NFASC: variants seen among roughly 807,000 people sequenced by gnomAD.
The protein encoded by NFASC is neurofascin homolog.
A neutral mutation model predicts 147.5 loss-of-function variants in NFASC; 43 were observed. The ratio of observed to expected loss-of-function variants is 0.29; its 90% CI spans 0.23 to 0.38. The LOEUF is 0.38. Among genes scored for constraint, NFASC ranks in the 10% least tolerant of loss-of-function variants. The pLI is 1.00. For synonymous variants in NFASC, 622 were observed against 665.5 expected (o/e 0.93, Z 1.01); for missense variants, 1,320 against 1,689.0 (o/e 0.78, Z 3.83).
chr1:204,971,807 A>G (rs1008079304), intron 11 of NFASC, among the ~76,000 whole-genome samples: 11 of 152,192 alleles, frequency 7.2e-5, no homozygotes, highest in Non-Finnish European at 1.5e-4. Context: ...AGCTACAAGC[A>G]GAGATATGGA....
At chr1:204,905,606 T>A (rs947824101) in intron 1 of NFASC, among the ~76,000 whole-genome samples, 3 of 152,220 alleles carry the variant, frequency 2.0e-5, no homozygotes, top group Admixed American at 6.5e-5. Context: ...TACATTATCT[T>A]ATCGTATAGC....
intron 1 of NFASC, among the ~76,000 whole-genome samples, chr1:204,898,938 G>A (rs2083946513): frequency 6.6e-6 from 1 of 152,176 alleles, no homozygotes; most frequent in Non-Finnish European, 1.5e-5. Flanking sequence ...GCTATTTGAG[G>A]ATATGACCTT....
intron 2 of NFASC, among the ~76,000 whole-genome samples, chr1:204,928,239 C>T (rs1007700287): frequency 3.3e-5 from 5 of 152,196 alleles, no homozygotes; most frequent in African/African-American, 9.7e-5. Flanking sequence ...GGTATACCGA[C>T]TACATTTGAG....
At chr1:204,995,153 CA>C (rs1451501717) in intron 24 of NFASC, among the ~76,000 whole-genome samples, 1 of 152,066 alleles carries the variant, frequency 6.6e-6, no homozygotes, top group African/African-American at 2.4e-5. Context: ...CAGTCCTGCC[CA>C]AGTAGACAAA....
intron 8 of NFASC, chr1:204,962,250 G>A (rs1176379702): frequency 2.7e-6 from 3 of 1,117,736 alleles, no homozygotes; most frequent in African/African-American, 3.1e-5. Flanking sequence ...ACTCCTGCTG[G>A]GTGGCAGCTG....
chr1:204,945,677 G>A (rs986459039), intron 3 of NFASC, among the ~76,000 whole-genome samples: 7 of 152,168 alleles, frequency 4.6e-5, no homozygotes, highest in Non-Finnish European at 8.8e-5. Flanking sequence ...GCCCACACAC[G>A]TGTGCATGTG....
chr1:204,921,634 C>T (rs1478368348), intron 2 of NFASC, among the ~76,000 whole-genome samples: 3 of 152,144 alleles, frequency 2.0e-5, no homozygotes, highest in Non-Finnish European at 4.4e-5. Flanking sequence ...GCTGGAATTC[C>T]AGATCCACTT....
intron 21 of NFASC, among the ~76,000 whole-genome samples, chr1:204,984,913 G>A (rs1179663340): frequency 1.3e-5 from 2 of 152,182 alleles, no homozygotes; most frequent in African/African-American, 2.4e-5. Context: ...CACGTTCTGT[G>A]GCCTCAGAGG....
chr1:205,011,467 G>A (rs2096252823), intron 28 of NFASC, among the ~76,000 whole-genome samples: 2 of 152,206 alleles, frequency 1.3e-5, no homozygotes, highest in South Asian at 4.1e-4. Flanking sequence ...TCAGACTTGG[G>A]TGGACTGAGT....
intron 1 of NFASC, among the ~76,000 whole-genome samples, chr1:204,889,983 G>A (rs1409609785): frequency 6.6e-6 from 1 of 152,220 alleles, no homozygotes; most frequent in Non-Finnish European, 1.5e-5. Context: ...GTAAAAATGA[G>A]AGGATGTTTA....
intron 8 of NFASC, among the ~76,000 whole-genome samples, chr1:204,965,014 C>G (rs565076943): frequency 4.7e-4 from 71 of 152,318 alleles, no homozygotes; most frequent in African/African-American, 1.7e-3. Flanking sequence ...TGGACCCACT[C>G]TGAGCCACAG....
chr1:204,976,861 T>G (rs1432323481), intron 16 of NFASC, 66 bp downstream of exon 16: 1 of 1,578,492 alleles, frequency 6.3e-7, no homozygotes, highest in Non-Finnish European at 8.6e-7. Context: ...AGAGAAGCAG[T>G]GGCCCGGGGC....
At position 204,966,279 on chromosome 1, in the gene NFASC, T is replaced by C. The variant is rs558631340; in HGVS notation, c.707-1970T>C. Among the ~76,000 whole-genome samples, 5 of 152,324 alleles carry C rather than the reference T, an allele frequency of 3.3e-5. No individual in the cohort carries two copies. In the South Asian group the frequency reaches 1.0e-3, roughly 32 times the overall value. Reference sequence around the variant, plus strand: ...CCATCATTATTGCTTTGCTGGGTTGTGCGTGCTGGTGGTGTCGCGCGTTAT... The same window carrying C: ...CCATCATTATTGCTTTGCTGGGTTGCGCGTGCTGGTGGTGTCGCGCGTTAT... On this transcript the variant is annotated intron_variant, in intron 8 of 29. Transcript: ENST00000339876.
At chr1:204,896,186 C>T (rs1000288133) in intron 1 of NFASC, among the ~76,000 whole-genome samples, 8 of 152,084 alleles carry the variant, frequency 5.3e-5, no homozygotes, top group African/African-American at 1.4e-4. Flanking sequence ...CTGAAGCTGC[C>T]GCAAAATCAG....
intron 12 of NFASC, 96 bp downstream of exon 12, chr1:204,973,515 G>C (rs994116014): frequency 8.2e-6 from 12 of 1,463,854 alleles, no homozygotes; most frequent in East Asian, 2.4e-5. Context: ...TTTCTTCTCC[G>C]GGGATTGGCC....
At chr1:204,899,843 T>C (rs1383509872) in intron 1 of NFASC, among the ~76,000 whole-genome samples, 1 of 152,206 alleles carries the variant, frequency 6.6e-6, no homozygotes, top group African/African-American at 2.4e-5. Flanking sequence ...CAGGTTCAAC[T>C]CTTGGCTCTA....
chr1:204,845,309 A>AAAAAT (rs1676679438), intron 1 of NFASC, among the ~76,000 whole-genome samples: 1 of 151,250 alleles, frequency 6.6e-6, no homozygotes, highest in African/African-American at 2.4e-5. Flanking sequence ...AAAAAAAAAA[A>AAAAAT]TAGCTGGGCG....
At chr1:204,846,588 A>C (rs1402237932) in intron 1 of NFASC, among the ~76,000 whole-genome samples, 2 of 151,986 alleles carry the variant, frequency 1.3e-5, no homozygotes, top group East Asian at 3.9e-4. Flanking sequence ...TAAGCTCTGG[A>C]TTCCTAGGTG....
chr1:204,848,542 G>A (rs1355267212), intron 1 of NFASC, among the ~76,000 whole-genome samples: 1 of 152,210 alleles, frequency 6.6e-6, no homozygotes, highest in African/African-American at 2.4e-5. Context: ...TTATTAAAGT[G>A]AGACATACAG....
Sources: gnomAD v4.1 joint callset for allele counts (sites outside exome capture counted in the v4.1 genomes callset) on GRCh38, gnomAD v4.1.1 for gene constraint, MANE v1.5 for transcripts, NCBI Gene and HGNC (gene_info 2026-07-23, HGNC 2026-07-21) for gene names.